TMEM132B: variants seen among roughly 807,000 people sequenced by gnomAD.
TMEM132B encodes transmembrane protein 132B.
A neutral mutation model predicts 90.8 loss-of-function variants in TMEM132B; 18 were observed. That is an observed-to-expected ratio of 0.20 (90% confidence interval 0.14 to 0.29). TMEM132B has a LOEUF of 0.29. Ranked by LOEUF, TMEM132B falls within the 10% of genes least tolerant of loss-of-function variation. TMEM132B has a pLI of 1.00. For missense variants in TMEM132B, 1,096 were observed against 1,326.8 expected, an observed-to-expected ratio of 0.83 and a Z score of 2.70; for synonymous variants, 504 against 523.3, an observed-to-expected ratio of 0.96 and a Z score of 0.50.
intron 3 of TMEM132B, among the ~76,000 whole-genome samples, chr12:125,466,672 T>G (rs1262258747): frequency 6.6e-6 from 1 of 152,236 alleles, no homozygotes; most frequent in Non-Finnish European, 1.5e-5. Flanking sequence ...AATGCTGGAA[T>G]ATCAAAACCT....
chr12:125,367,021 A>G (rs1358403070), intron 2 of TMEM132B, among the ~76,000 whole-genome samples: 2 of 151,846 alleles, frequency 1.3e-5, no homozygotes, highest in Admixed American at 6.6e-5. Flanking sequence ...TTGTTCTTTT[A>G]TTGTCATTTT....
rs1877466281 is a variant in TMEM132B at position 125,349,182 on chromosome 12, G to A, written c.68-270G>A. Among the ~76,000 whole-genome samples, 1 of 152,298 alleles carries A rather than the reference G, an allele frequency of 6.6e-6. No individual in the cohort carries two copies. The highest frequency in any genetic ancestry group is 2.4e-5 in the African/African-American group (1 of 41,562). On this transcript the variant is annotated intron_variant, in intron 1 of 8. Transcript: ENST00000682704. This position sits in a 1 kb window ranked among gnomAD's most constrained non-coding sequence, Gnocchi z 4.1. ...TTATGATTTCGCACAAGCAGCAGAA[G>A]CAATGTTTTCCCTTTAGAAAGATAA...
chr12:125,493,921 C>T (rs1593173286), intron 3 of TMEM132B, among the ~76,000 whole-genome samples: 2 of 146,662 alleles, frequency 1.4e-5, no homozygotes, highest in Admixed American at 6.7e-5. Context: ...CCTCCTCCTC[C>T]CTGGAAATGG....
chr12:125,370,704 C>T (rs189540554), intron 2 of TMEM132B, among the ~76,000 whole-genome samples: 37 of 152,294 alleles, frequency 2.4e-4, no homozygotes, highest in Admixed American at 6.5e-4. Context: ...CTACCGCATC[C>T]GGCCAATTTC....
intron 1 of TMEM132B, chr12:125,326,458 C>T (rs1188918467): frequency 1.3e-6 from 1 of 772,290 alleles, no homozygotes; most frequent in Non-Finnish European, 2.2e-6. Context: ...ACAATATGAG[C>T]TCAAAATGGA....
chr12:125,303,265 G>A (rs566025231), intron 1 of TMEM132B, among the ~76,000 whole-genome samples: 9 of 152,006 alleles, frequency 5.9e-5, no homozygotes, highest in East Asian at 1.9e-4. Flanking sequence ...TTTAGTGTCC[G>A]GCTTCCTATA....
At chr12:125,262,624 A>G (rs1282259373) in intron 1 of TMEM132B, among the ~76,000 whole-genome samples, 2 of 152,150 alleles carry the variant, frequency 1.3e-5, no homozygotes, top group African/African-American at 4.8e-5. Context: ...ATTTATAATC[A>G]TTCTTGAACT....
Position 125,657,037 on chromosome 12 carries a change from ATTAGAGC to A in TMEM132B, c.*2328_*2334del, listed in dbSNP as rs1426820326. 1.3e-5 allele frequency: 2 copies of A among 152,236 alleles called. No homozygotes were observed. Among genetic ancestry groups the A allele is most frequent in the Non-Finnish European group, 2.9e-5 (2 of 68,050 alleles). 9.4% of individuals were successfully genotyped at this position (152,236 alleles called of 1,614,324 possible). A position where few individuals can be genotyped will look rare whatever the true frequency, so the allele number is the denominator to read the frequency against. On this transcript the variant is annotated 3_prime_UTR_variant, in exon 9 of 9. Coordinates refer to ENST00000682704, the MANE Select transcript of TMEM132B (RefSeq NM_001366854.1). ...GGGAGTGTTATTCAGGAACATAAAA[ATTAGAGC>A]ATTCCCTCTGATGGCAGTGCTTGAC... is the stretch of plus-strand genomic sequence containing the variant.
Position 125,583,601 on chromosome 12 carries a change from G to C in TMEM132B, c.1294-250G>C, listed in dbSNP as rs549311247. 2.0e-5 allele frequency among the ~76,000 whole-genome samples: 3 copies of C among 152,268 alleles called. No homozygotes were observed. The South Asian group carries it at 6.2e-4, about 32-fold the overall frequency. ...TAAGGGAGAGGAGGTCAGGGAGAGG[G>C]AGAATGACCCTGCACCTGGGGACTG... On this transcript the variant is annotated intron_variant, in intron 4 of 8. Coordinates refer to ENST00000682704, the MANE Select transcript of TMEM132B (RefSeq NM_001366854.1).
At chr12:125,501,315 T>C (rs899989176) in intron 3 of TMEM132B, among the ~76,000 whole-genome samples, 2 of 152,256 alleles carry the variant, frequency 1.3e-5, no homozygotes, top group African/African-American at 2.4e-5. Context: ...GAAATACTTA[T>C]ATTAAAAATT....
At chr12:125,536,431 T>G (rs532006652) in intron 4 of TMEM132B, among the ~76,000 whole-genome samples, 7 of 152,338 alleles carry the variant, frequency 4.6e-5, no homozygotes, top group African/African-American at 1.7e-4. Flanking sequence ...CAGAGTCTGC[T>G]GGCAGATAGC....
chr12:125,187,582 A>G (rs1957767589), intron 1 of TMEM132B, among the ~76,000 whole-genome samples: 1 of 152,218 alleles, frequency 6.6e-6, no homozygotes, highest in African/African-American at 2.4e-5. Context: ...GTCCAGAGCC[A>G]TTGCCTGGGC....
At chr12:125,525,225 G>A (rs949939423) in intron 4 of TMEM132B, among the ~76,000 whole-genome samples, 10 of 152,238 alleles carry the variant, frequency 6.6e-5, no homozygotes, top group South Asian at 2.1e-4. Context: ...CATTTATTAC[G>A]GATCACAAAG....
At position 125,483,476 on chromosome 12, in the gene TMEM132B, G is replaced by C. The variant is rs75213577; in HGVS notation, c.1107-35963G>C. ...AAAAAAAAATAAGGTGTAGATAAAA[G>C]CAATTTGGTCTTGTTAATTGGTTGA... On this transcript the variant is annotated intron_variant, in intron 3 of 8. Coordinates refer to ENST00000682704, the MANE Select transcript of TMEM132B (RefSeq NM_001366854.1). Among the ~76,000 whole-genome samples the C allele has an allele frequency of 3.7e-3, 559 of 152,224 alleles. 4 individuals are homozygous for C. Among genetic ancestry groups the C allele is most frequent in the African/African-American group, 0.013 (534 of 41,542 alleles).
chr12:125,369,020 C>A (rs1025616636), intron 2 of TMEM132B, among the ~76,000 whole-genome samples: 29 of 151,036 alleles, frequency 1.9e-4, no homozygotes, highest in Admixed American at 5.9e-4. Flanking sequence ...ATCCCTCCCC[C>A]CTCCCCCGGC....
chr12:125,256,767 A>C (rs1874448522), intron 1 of TMEM132B, among the ~76,000 whole-genome samples: 2 of 152,244 alleles, frequency 1.3e-5, no homozygotes, highest in African/African-American at 4.8e-5. Flanking sequence ...TATAAAAGTG[A>C]GACGATGAGG....
At chr12:125,384,449 T>C (rs1878771053) in intron 2 of TMEM132B, among the ~76,000 whole-genome samples, 2 of 152,274 alleles carry the variant, frequency 1.3e-5, no homozygotes, top group South Asian at 4.1e-4. Flanking sequence ...TGGGGTACAA[T>C]GTGATGTTTT....
rs1256017201 is a variant in TMEM132B, at chr12:125,498,897, G to A, written c.1107-20542G>A. Among the ~76,000 whole-genome samples, 1 of 152,214 alleles carries A rather than the reference G, an allele frequency of 6.6e-6. No homozygotes were observed. The highest frequency in any genetic ancestry group is 1.5e-5 in the Non-Finnish European group (1 of 68,042). On this transcript the variant is annotated intron_variant, in intron 3 of 8. Transcript: ENST00000682704. This position sits in a 1 kb window ranked among gnomAD's most constrained non-coding sequence, Gnocchi z 4.5. ...AGGTTTCCTGTGGGTTATCTTTGGG[G>A]AAAGTGACCTGGACCTGTTGGTGAT...
chr12:125,355,728 G>C (rs973991638), intron 2 of TMEM132B, among the ~76,000 whole-genome samples: 2 of 152,154 alleles, frequency 1.3e-5, no homozygotes, highest in African/African-American at 4.8e-5. Context: ...TTCTGGCTTA[G>C]GTGAGGACCC....
Sources: allele counts gnomAD v4.1 joint callset (sites outside exome capture counted in the v4.1 genomes callset), GRCh38; gene constraint gnomAD v4.1.1; non-coding constraint Gnocchi (gnomAD v3.1); transcripts MANE v1.5; gene names NCBI Gene and HGNC (gene_info 2026-07-23, HGNC 2026-07-21).